ANO1: variants seen among roughly 807,000 people sequenced by gnomAD.
ANO1 encodes the protein anoctamin 1, also known as anoctamin-1.
Under a neutral mutation model 124.0 loss-of-function variants are expected in ANO1, and 59 were observed. The ratio of observed to expected loss-of-function variants is 0.48; its 90% CI spans 0.39 to 0.59. The LOEUF (loss-of-function observed/expected upper bound fraction) is 0.59, where lower values mean the gene tolerates loss of function less well. Among genes scored for constraint, ANO1 ranks in the 20% least tolerant of loss-of-function variants. The pLI is 0.00. For missense variants in ANO1, 1,059 were observed against 1,328.0 expected, an observed-to-expected ratio of 0.80 and a Z score of 3.15; for synonymous variants, 529 against 532.0, an observed-to-expected ratio of 0.99 and a Z score of 0.08.
chr11:70,121,636 GTC>G (rs1490929653), intron 8 of ANO1, among the ~76,000 whole-genome samples: 2 of 106,274 alleles, frequency 1.9e-5, no homozygotes, highest in Non-Finnish European at 3.8e-5. Flanking sequence ...CTCTCTGTCT[GTC>G]TCTCTGTCTC....
At chr11:70,176,070 A>G (rs1049623845) in intron 22 of ANO1, among the ~76,000 whole-genome samples, 5 of 152,212 alleles carry the variant, frequency 3.3e-5, no homozygotes, top group African/African-American at 7.2e-5. Flanking sequence ...TGAAACATCA[A>G]TCAGATACAT....
chr11:69,989,516 C>T (rs7931183), intron 1 of ANO1, among the ~76,000 whole-genome samples: 68,542 of 151,664 alleles, frequency 0.45, 17,017 homozygotes, highest in East Asian at 0.74. Flanking sequence ...GCAGGAGGGG[C>T]AACCCAAGAG....
chr11:70,012,893 C>A (rs550836379), intron 1 of ANO1, among the ~76,000 whole-genome samples: 2 of 152,192 alleles, frequency 1.3e-5, no homozygotes, highest in African/African-American at 4.8e-5. Context: ...GTGAGCAGGG[C>A]GGTCCCACTG....
intron 23 of ANO1, among the ~76,000 whole-genome samples, chr11:70,181,389 G>A (rs1448510281): frequency 2.6e-5 from 4 of 152,312 alleles, no homozygotes; most frequent in African/African-American, 7.2e-5. Context: ...GCCCTTTCCC[G>A]GTGGGCAACG....
intron 1 of ANO1, among the ~76,000 whole-genome samples, chr11:70,009,309 G>A (rs187919401): frequency 1.6e-4 from 25 of 152,274 alleles, no homozygotes; most frequent in Non-Finnish European, 3.5e-4. Flanking sequence ...TTCTCGGGGA[G>A]GGAGGATAGC....
At chr11:70,002,399 G>C (rs1316507243) in intron 1 of ANO1, among the ~76,000 whole-genome samples, 1 of 146,560 alleles carries the variant, frequency 6.8e-6, no homozygotes, top group Non-Finnish European at 1.5e-5. Flanking sequence ...GAGAGGCAGA[G>C]GTTGCAGTGA....
At chr11:70,014,172 G>A (rs1856655826) in intron 1 of ANO1, among the ~76,000 whole-genome samples, 1 of 152,060 alleles carries the variant, frequency 6.6e-6, no homozygotes. Context: ...CAACTGGGGG[G>A]GAAGCACAAT....
At chr11:70,147,196 G>T (rs906927470) in intron 11 of ANO1, among the ~76,000 whole-genome samples, 2 of 152,254 alleles carry the variant, frequency 1.3e-5, no homozygotes, top group African/African-American at 4.8e-5. Context: ...ACAGAAAGAG[G>T]CAGCTCTCAC....
chr11:70,148,984 G>A (rs915960353), intron 11 of ANO1, among the ~76,000 whole-genome samples: 1 of 152,236 alleles, frequency 6.6e-6, no homozygotes, highest in East Asian at 1.9e-4. Flanking sequence ...TGCTCTGTCT[G>A]TTGGGAATAT....
chr11:70,137,350 C>CCCCTG (rs1310420577), intron 11 of ANO1, among the ~76,000 whole-genome samples: 3 of 143,096 alleles, frequency 2.1e-5, no homozygotes, highest in African/African-American at 7.4e-5. Flanking sequence ...CCCCTGCCTG[C>CCCCTG]CCCTGCCTGC....
intron 4 of ANO1, 69 bp from the exon 5 acceptor site, chr11:70,105,665 G>A: frequency 3.4e-6 from 5 of 1,451,580 alleles, no homozygotes; most frequent in Non-Finnish European, 4.8e-6. Flanking sequence ...GGTTTCCCAG[G>A]GCCTTGAAAC....
At chr11:70,102,664 G>A (rs898220341) in intron 2 of ANO1, among the ~76,000 whole-genome samples, 1 of 152,210 alleles carries the variant, frequency 6.6e-6, no homozygotes, top group Non-Finnish European at 1.5e-5. Context: ...ACAGGTCCCT[G>A]AGTGATTCCA....
At chr11:70,143,295 T>C (rs115601045) in intron 11 of ANO1, among the ~76,000 whole-genome samples, 1,868 of 152,310 alleles carry the variant, frequency 0.012, 47 homozygotes, top group African/African-American at 0.043. Flanking sequence ...CACCTGAGAT[T>C]GTGCCCTGGT....
chr11:70,175,098 G>A (rs1252588307), intron 22 of ANO1, among the ~76,000 whole-genome samples: 1 of 152,114 alleles, frequency 6.6e-6, no homozygotes, highest in Admixed American at 6.5e-5. Flanking sequence ...CCAGACAGTG[G>A]CTGAATGAAG....
At chr11:70,159,699 G>A (rs963531060) in intron 16 of ANO1, among the ~76,000 whole-genome samples, 6 of 152,220 alleles carry the variant, frequency 3.9e-5, no homozygotes, top group African/African-American at 9.6e-5. Context: ...CAGGGGACGC[G>A]CCCGCTGGGG....
At chr11:70,167,746 C>T (rs990743692) in intron 21 of ANO1, among the ~76,000 whole-genome samples, 26 of 152,102 alleles carry the variant, frequency 1.7e-4, no homozygotes, top group African/African-American at 5.3e-4. Flanking sequence ...CAGCGCAGCC[C>T]GACACAGCCT....
intron 21 of ANO1, chr11:70,170,065 C>T (rs2048397681): frequency 2.3e-6 from 1 of 426,512 alleles, no homozygotes. Flanking sequence ...GGGAGGGCCG[C>T]AGGGGCAGAG....
intron 8 of ANO1, among the ~76,000 whole-genome samples, chr11:70,117,595 C>G (rs1021427438): frequency 6.6e-6 from 1 of 152,166 alleles, no homozygotes; most frequent in Non-Finnish European, 1.5e-5. Context: ...AGCCTTCCCC[C>G]CAGGTCTCCA....
At chr11:70,011,443 G>A (rs782229670) in intron 1 of ANO1, among the ~76,000 whole-genome samples, 9 of 152,192 alleles carry the variant, frequency 5.9e-5, no homozygotes, top group Non-Finnish European at 1.0e-4. Context: ...CTGCCAGTAT[G>A]TGCCAGCTTC....
Sources: gnomAD v4.1 joint callset for allele counts (sites outside exome capture counted in the v4.1 genomes callset) on GRCh38, gnomAD v4.1.1 for gene constraint, MANE v1.5 for transcripts, NCBI Gene and HGNC (gene_info 2026-07-23, HGNC 2026-07-21) for gene names.